SH3RF3: variants seen among roughly 807,000 people sequenced by gnomAD.
The protein encoded by SH3RF3 is E3 ubiquitin-protein ligase SH3RF3.
In SH3RF3, 29 loss-of-function variants were observed where a neutral mutation model predicts 66.3. The ratio of observed to expected loss-of-function variants is 0.44; its 90% CI spans 0.33 to 0.60. The LOEUF is 0.60. Ranked by LOEUF, SH3RF3 falls within the 20% of genes least tolerant of loss-of-function variation. The pLI is 0.04. For missense variants in SH3RF3, 1,194 were observed against 1,190.9 expected (o/e 1.00, Z -0.04); for synonymous variants, 583 against 532.0 (o/e 1.10, Z -1.32).
Position 109,199,259 on chromosome 2 carries a change from T to C in SH3RF3, c.573+69146T>C, listed in dbSNP as rs537906201. Among the ~76,000 whole-genome samples the C allele has an allele frequency of 2.0e-3, 129 of 63,510 alleles. 1 individual carries two copies. The highest frequency in any genetic ancestry group is 7.2e-3 in the African/African-American group (121 of 16,766). 41.7% of individuals were successfully genotyped at this position (63,510 alleles called of 152,430 possible). A position where few individuals can be genotyped will look rare whatever the true frequency, so the allele number is the denominator to read the frequency against. Reference sequence around the variant, plus strand: ...CTGTAGTCCCAGCTACGGGAGGTGCTTGCAGTGAGCCGAGATCATGCCACT... The same window carrying C: ...CTGTAGTCCCAGCTACGGGAGGTGCCTGCAGTGAGCCGAGATCATGCCACT... On this transcript the variant is annotated intron_variant, in intron 1 of 9. Coordinates refer to ENST00000309415, the MANE Select transcript of SH3RF3 (RefSeq NM_001099289.3).
chr2:109,428,595 C>A (rs1677102549), intron 5 of SH3RF3, among the ~76,000 whole-genome samples: 1 of 152,236 alleles, frequency 6.6e-6, no homozygotes, highest in African/African-American at 2.4e-5. Context: ...AACCTGCCCT[C>A]AAGAGGCGCT....
intron 4 of SH3RF3, among the ~76,000 whole-genome samples, chr2:109,412,249 C>T (rs1307624115): frequency 1.3e-5 from 2 of 152,276 alleles, no homozygotes; most frequent in African/African-American, 4.8e-5. Context: ...CTTGGTCTCT[C>T]CTGGCCAAAC....
intron 1 of SH3RF3, among the ~76,000 whole-genome samples, chr2:109,312,065 G>A (rs1285721209): frequency 6.6e-6 from 1 of 152,168 alleles, no homozygotes; most frequent in Non-Finnish European, 1.5e-5. Flanking sequence ...TAGACTAGGG[G>A]AACCTTGGTG....
At chr2:109,373,975 A>G (rs1356535532) in intron 3 of SH3RF3, among the ~76,000 whole-genome samples, 1 of 152,058 alleles carries the variant, frequency 6.6e-6, no homozygotes, top group Non-Finnish European at 1.5e-5. Context: ...CTGGTTCCAC[A>G]GGCACACTCA....
intron 5 of SH3RF3, among the ~76,000 whole-genome samples, chr2:109,426,984 T>C (rs1677042252): frequency 1.3e-5 from 2 of 151,898 alleles, no homozygotes; most frequent in South Asian, 4.2e-4. Context: ...ATATATTTTT[T>C]TTTGAGACGA....
At chr2:109,354,862 T>G (rs1455469087) in intron 2 of SH3RF3, among the ~76,000 whole-genome samples, 1 of 152,260 alleles carries the variant, frequency 6.6e-6, no homozygotes, top group Admixed American at 6.5e-5. Flanking sequence ...AAAGACTCCT[T>G]GTAGATGGCA....
chr2:109,370,335 G>A (rs1051120629), intron 2 of SH3RF3, among the ~76,000 whole-genome samples: 14 of 151,876 alleles, frequency 9.2e-5, no homozygotes, highest in Middle Eastern at 3.2e-3. Flanking sequence ...TGCCTCCCGG[G>A]TTCAAGCGAT....
intron 2 of SH3RF3, among the ~76,000 whole-genome samples, chr2:109,362,493 T>A (rs904186481): frequency 6.6e-6 from 1 of 152,224 alleles, no homozygotes; most frequent in African/African-American, 2.4e-5. Flanking sequence ...ATATGGTCTG[T>A]CCTGGTGAAT....
intron 3 of SH3RF3, among the ~76,000 whole-genome samples, chr2:109,382,614 G>C (rs909646025): frequency 6.6e-6 from 1 of 152,106 alleles, no homozygotes; most frequent in Non-Finnish European, 1.5e-5. Context: ...ACCTTCCTTT[G>C]GAACACCGAG....
chr2:109,218,848 A>C (rs918024395), intron 1 of SH3RF3, among the ~76,000 whole-genome samples: 8 of 152,096 alleles, frequency 5.3e-5, no homozygotes, highest in African/African-American at 1.9e-4. Context: ...CACACACACA[A>C]ACACACAAAC....
At chr2:109,260,885 G>A (rs1292426564) in intron 1 of SH3RF3, among the ~76,000 whole-genome samples, 1 of 152,152 alleles carries the variant, frequency 6.6e-6, no homozygotes, top group Non-Finnish European at 1.5e-5. Flanking sequence ...GCAGGCAGGT[G>A]ACTTCAGAAC....
intron 1 of SH3RF3, among the ~76,000 whole-genome samples, chr2:109,138,043 T>C (rs1018183131): frequency 3.9e-5 from 6 of 152,178 alleles, no homozygotes; most frequent in African/African-American, 9.7e-5. Context: ...TTTGAGACAG[T>C]CTTGCTCTGT....
intron 6 of SH3RF3, among the ~76,000 whole-genome samples, chr2:109,434,244 C>T (rs1260895309): frequency 6.6e-6 from 1 of 152,250 alleles, no homozygotes; most frequent in Non-Finnish European, 1.5e-5. Context: ...GCCCGCCCTG[C>T]TGGGGGACAT....
intron 1 of SH3RF3, among the ~76,000 whole-genome samples, chr2:109,256,788 G>T (rs1680232460): frequency 6.6e-6 from 1 of 152,216 alleles, no homozygotes; most frequent in Non-Finnish European, 1.5e-5. Flanking sequence ...AGTGAAGTGG[G>T]ATTTTTATTT....
At chr2:109,497,992 C>G (rs1679295640) in intron 9 of SH3RF3, among the ~76,000 whole-genome samples, 1 of 152,162 alleles carries the variant, frequency 6.6e-6, no homozygotes, top group South Asian at 2.1e-4. Context: ...TGGCGCTGAT[C>G]CTGTGGGCCC....
intron 8 of SH3RF3, among the ~76,000 whole-genome samples, chr2:109,483,902 G>A (rs1289632792): frequency 1.3e-5 from 2 of 151,876 alleles, no homozygotes; most frequent in African/African-American, 4.8e-5. Flanking sequence ...CTGCAGCCAG[G>A]GCCACATCCT....
intron 3 of SH3RF3, 148 bp from the exon 4 acceptor site, chr2:109,398,442 C>A: frequency 1.3e-6 from 1 of 750,260 alleles, no homozygotes; most frequent in Non-Finnish European, 2.1e-6. Context: ...TGCCACCCCA[C>A]CAGCCTCTTC....
chr2:109,414,411 T>C (rs1266715818), intron 4 of SH3RF3, among the ~76,000 whole-genome samples: 2 of 152,154 alleles, frequency 1.3e-5, no homozygotes, highest in African/African-American at 2.4e-5. Flanking sequence ...TCAGGTTTCA[T>C]CTGGTTTTTC....
At chr2:109,235,237 C>T (rs1040779492) in intron 1 of SH3RF3, among the ~76,000 whole-genome samples, 4 of 152,164 alleles carry the variant, frequency 2.6e-5, no homozygotes, top group Admixed American at 1.3e-4. Context: ...AATAGATCAA[C>T]CCTGAATAGT....
Sources: gnomAD v4.1 joint callset for allele counts (sites outside exome capture counted in the v4.1 genomes callset) on GRCh38, gnomAD v4.1.1 for gene constraint, MANE v1.5 for transcripts, NCBI Gene and HGNC (gene_info 2026-07-23, HGNC 2026-07-21) for gene names.